ZSCAN5A: variants seen among roughly 807,000 people sequenced by gnomAD.
The protein encoded by ZSCAN5A is zinc finger and SCAN domain containing 5A.
A neutral mutation model predicts 23.7 loss-of-function variants in ZSCAN5A; 12 were observed. The ratio of observed to expected loss-of-function variants is 0.51; its 90% confidence interval spans 0.32 to 0.82. The LOEUF (loss-of-function observed/expected upper bound fraction) is 0.82. Among genes scored for constraint, ZSCAN5A ranks in the 40% least tolerant of loss-of-function variants. The pLI, the probability that ZSCAN5A is intolerant of heterozygous loss-of-function variation, is 0.03. For synonymous variants in ZSCAN5A, 257 were observed against 239.9 expected (o/e 1.07, Z -0.66); for missense variants, 597 against 617.9 (o/e 0.97, Z 0.36).
intron 2 of ZSCAN5A, among the ~76,000 whole-genome samples, chr19:56,287,613 C>T (rs897446128): frequency 4.6e-5 from 7 of 152,222 alleles, no homozygotes; most frequent in East Asian, 1.9e-4. Context: ...GTGCCTGCCA[C>T]GAAACCAAGT....
intron 2 of ZSCAN5A, chr19:56,304,895 A>T (rs1167968056): frequency 1.6e-6 from 1 of 628,952 alleles, no homozygotes; most frequent in Admixed American, 6.3e-5. Context: ...GGTTCATCCC[A>T]ACTGCCTGGC....
chr19:56,363,356 A>G (rs1468667906), exon 2 of ZSCAN5A: 4 of 152,072 alleles, frequency 2.6e-5, no homozygotes, highest in Non-Finnish European at 4.4e-5. Context: ...CTTTTTCCCC[A>G]AAGTGTATTT....
intron 2 of ZSCAN5A, among the ~76,000 whole-genome samples, chr19:56,265,422 A>C (rs2037406713): frequency 6.6e-6 from 1 of 150,744 alleles, no homozygotes; most frequent in East Asian, 1.9e-4. Flanking sequence ...CTTGAAACTT[A>C]AAGCTGGTGG....
chr19:56,293,090 A>C (rs1264165366), intron 2 of ZSCAN5A, among the ~76,000 whole-genome samples: 1 of 152,156 alleles, frequency 6.6e-6, no homozygotes, highest in Non-Finnish European at 1.5e-5. Context: ...ACCCACCTCC[A>C]AACCCCACTT....
rs368735639 is a variant in ZSCAN5A, at chr19:56,326,305, TTG to T, written c.-357-10039_-357-10038del. Among the ~76,000 whole-genome samples the T allele has an allele frequency of 9.4e-3, 1,357 of 145,084 alleles. 10 individuals carry two copies. The highest frequency in any genetic ancestry group is 0.031 in the East Asian group (154 of 4,978). ...ATATATCCACATCTCACAGTTACCA[TTG>T]TGTGTGTGTGTGTGTGTGTGTGTGT... is the stretch of plus-strand genomic sequence containing the variant. On this transcript the variant is annotated intron_variant, in intron 2 of 6. Transcript: ENST00000587340.
intron 2 of ZSCAN5A, among the ~76,000 whole-genome samples, chr19:56,261,205 A>G (rs990487208): frequency 4.7e-5 from 7 of 149,488 alleles, no homozygotes; most frequent in Non-Finnish European, 3.0e-5. Flanking sequence ...AAGACTCTCA[A>G]AAAAAAAAAA....
At chr19:56,344,124 C>T (rs1335599714) in intron 2 of ZSCAN5A, among the ~76,000 whole-genome samples, 1 of 152,216 alleles carries the variant, frequency 6.6e-6, no homozygotes, top group African/African-American at 2.4e-5. Flanking sequence ...CATCTTGACT[C>T]TAACCTCCAC....
intron 2 of ZSCAN5A, among the ~76,000 whole-genome samples, chr19:56,330,774 G>A (rs2041481597): frequency 6.6e-6 from 1 of 152,050 alleles, no homozygotes; most frequent in Non-Finnish European, 1.5e-5. Flanking sequence ...CCATTCTATA[G>A]GTGGTCTGTT....
intron 2 of ZSCAN5A, among the ~76,000 whole-genome samples, chr19:56,262,416 T>G (rs573263270): frequency 5.4e-4 from 80 of 148,262 alleles, no homozygotes; most frequent in Non-Finnish European, 9.4e-4. Context: ...CTAATTTTTT[T>G]TTTTTTGTTT....
At chr19:56,254,533 T>C (rs1256735621) in intron 2 of ZSCAN5A, among the ~76,000 whole-genome samples, 1 of 152,222 alleles carries the variant, frequency 6.6e-6, no homozygotes, top group Non-Finnish European at 1.5e-5. Flanking sequence ...CTCCTACTTC[T>C]GAGCTATTGT....
At chr19:56,299,313 T>G (rs1304604665) in intron 2 of ZSCAN5A, among the ~76,000 whole-genome samples, 1 of 151,974 alleles carries the variant, frequency 6.6e-6, no homozygotes, top group Non-Finnish European at 1.5e-5. Flanking sequence ...TTAAATTTTT[T>G]GTAGAGTTTG....
At chr19:56,338,128 C>T (rs1049175438) in intron 2 of ZSCAN5A, among the ~76,000 whole-genome samples, 1 of 152,084 alleles carries the variant, frequency 6.6e-6, no homozygotes, top group African/African-American at 2.4e-5. Context: ...TTCAGGTTTG[C>T]TTCTGTAAGT....
At chr19:56,291,054 G>A (rs898352280) in intron 2 of ZSCAN5A, among the ~76,000 whole-genome samples, 2 of 152,186 alleles carry the variant, frequency 1.3e-5, no homozygotes, top group Non-Finnish European at 2.9e-5. Context: ...GTGAGGGTGT[G>A]TCTGGGATAC....
chr19:56,287,454 T>A (rs980726466), intron 2 of ZSCAN5A, among the ~76,000 whole-genome samples: 3 of 152,188 alleles, frequency 2.0e-5, no homozygotes, highest in African/African-American at 7.2e-5. Context: ...CTTCTCCTTT[T>A]AACAAGCACA....
chr19:56,329,773 T>C (rs1040037056), intron 2 of ZSCAN5A, among the ~76,000 whole-genome samples: 2 of 152,210 alleles, frequency 1.3e-5, no homozygotes, highest in Non-Finnish European at 2.9e-5. Context: ...TGTATCACCA[T>C]TGTAATCTGG....
intron 2 of ZSCAN5A, among the ~76,000 whole-genome samples, chr19:56,236,521 G>A (rs368618576): frequency 3.2e-5 from 1 of 31,346 alleles, no homozygotes; most frequent in East Asian, 1.0e-3. Context: ...CTCCACTCCA[G>A]CCTCTGATGG....
chr19:56,223,314 T>G (rs893611175), intron 4 of ZSCAN5A, among the ~76,000 whole-genome samples: 4 of 152,244 alleles, frequency 2.6e-5, no homozygotes, highest in Non-Finnish European at 4.4e-5. Context: ...GCTGAATTAT[T>G]ACATTAAATG....
intron 1 of ZSCAN5A, among the ~76,000 whole-genome samples, chr19:56,364,745 CT>C (rs2041754610): frequency 6.6e-6 from 1 of 152,192 alleles, no homozygotes; most frequent in South Asian, 2.1e-4. Flanking sequence ...CTACTAAGAA[CT>C]GTTGACGTAT....
chr19:56,268,741 T>C (rs2037642524), intron 2 of ZSCAN5A, among the ~76,000 whole-genome samples: 3 of 152,032 alleles, frequency 2.0e-5, no homozygotes, highest in Non-Finnish European at 4.4e-5. Context: ...TTTAAAACAC[T>C]TTCCTTACCC....
Sources: allele counts gnomAD v4.1 joint callset (sites outside exome capture counted in the v4.1 genomes callset), GRCh38; gene constraint gnomAD v4.1.1; transcripts MANE v1.5; gene names NCBI Gene and HGNC (gene_info 2026-07-23, HGNC 2026-07-21).